COL12A1: variants seen among roughly 807,000 people sequenced by gnomAD.
COL12A1 encodes the protein collagen type XII alpha 1 chain, also known as collagen alpha-1(XII) chain.
In COL12A1, 114 loss-of-function variants were observed where a neutral mutation model predicts 349.7. The ratio of observed to expected loss-of-function variants is 0.33; its 90% CI spans 0.28 to 0.38. COL12A1 has a LOEUF of 0.38. COL12A1 is among the 10% of genes least tolerant of loss of function. The pLI, the probability that COL12A1 is intolerant of heterozygous loss-of-function variation, is 1.00. For missense variants in COL12A1, 3,284 were observed against 3,756.9 expected (o/e 0.87, Z 3.29); for synonymous variants, 1,369 against 1,329.0 (o/e 1.03, Z -0.66).
rs754080815 is a variant in COL12A1, at chr6:75,113,319, A to G, written c.7841-6T>C. On this transcript the variant is annotated splice_polypyrimidine_tract_variant and splice_region_variant and intron_variant, in intron 50 of 65. Coordinates refer to ENST00000322507, the MANE Select transcript of COL12A1 (RefSeq NM_004370.6). ...TGATAACGTCTTGCTAGAAGCTGTA[A>G]TCAACATAAAAGTGTTATTAAATCA... is the stretch of plus-strand genomic sequence containing the variant. The G allele has an allele frequency of 1.3e-6, 2 of 1,521,810 alleles. No homozygotes were observed. The highest frequency in any genetic ancestry group is 1.8e-6 in the Non-Finnish European group (2 of 1,132,048). The allele number at this position is 1,521,810 out of a possible 1,614,324, so 94.3% of individuals were successfully genotyped here.
intron 2 of COL12A1, among the ~76,000 whole-genome samples, chr6:75,198,869 G>A (rs942341812): frequency 1.3e-5 from 2 of 152,130 alleles, no homozygotes; most frequent in Non-Finnish European, 2.9e-5. Flanking sequence ...TGATATCTGT[G>A]ATAACAACAC....
intron 36 of COL12A1, 94 bp from the exon 37 acceptor site, chr6:75,130,327 T>C: frequency 8.3e-7 from 1 of 1,210,992 alleles, no homozygotes; most frequent in Non-Finnish European, 1.2e-6. Context: ...TCATTCACCA[T>C]TCACTCAGAT....
chr6:75,198,390 C>A (rs1350654614), intron 2 of COL12A1, among the ~76,000 whole-genome samples: 2 of 150,940 alleles, frequency 1.3e-5, no homozygotes, highest in Non-Finnish European at 3.0e-5. Context: ...TAAATATAAG[C>A]AATATTTATA....
At chr6:75,124,714 T>C (rs1176266122) in intron 40 of COL12A1, among the ~76,000 whole-genome samples, 2 of 152,104 alleles carry the variant, frequency 1.3e-5, no homozygotes, top group African/African-American at 4.8e-5. Flanking sequence ...TTAAAATATA[T>C]CTGTGGACTG....
At chr6:75,117,593 C>G (rs1409312473) in intron 46 of COL12A1, 47 bp from the exon 47 acceptor site, 1 of 1,586,252 alleles carries the variant, frequency 6.3e-7, no homozygotes, top group East Asian at 2.3e-5. Context: ...CTTTTTCTGT[C>G]CTTGTTGTTA....
Position 75,130,915 on chromosome 6 carries a change from C to G in COL12A1, c.6004G>C (p.Val2002Leu). The change falls in exon 36 of 66, where the codon GTG becomes CTG. Residue 2002 changes from valine (V) to leucine (L), a missense_variant. By Grantham distance (32) the Val-to-Leu change is conservative. Transcript: ENST00000322507. ...ERLIPDTLYS[V>L]NLVALYSDGE... ...TCCGAGTACAGAGCCACAAGGTTCACGGAATAGAGTGTGTCCGGAATCAGC... is the reference window on the plus strand; with the variant it reads ...TCCGAGTACAGAGCCACAAGGTTCAGGGAATAGAGTGTGTCCGGAATCAGC... 6.2e-7 allele frequency: 1 copy of G among 1,614,112 alleles called. No individual in the cohort carries two copies. Among genetic ancestry groups the G allele is most frequent in the South Asian group, 1.1e-5 (1 of 91,088 alleles).
intron 38 of COL12A1, among the ~76,000 whole-genome samples, chr6:75,127,832 C>A (rs1766095275): frequency 1.3e-5 from 2 of 152,134 alleles, no homozygotes; most frequent in Admixed American, 1.3e-4. Context: ...ATAAAAAATA[C>A]ATTTTTCTTT....
chr6:75,166,870 A>G (rs1768338122), intron 13 of COL12A1, among the ~76,000 whole-genome samples: 2 of 152,192 alleles, frequency 1.3e-5, no homozygotes, highest in South Asian at 2.1e-4. Flanking sequence ...ATCTAGGTGG[A>G]CAAAAACCTA....
At chr6:75,108,381 C>A (rs376522562) in intron 52 of COL12A1, among the ~76,000 whole-genome samples, 2 of 152,030 alleles carry the variant, frequency 1.3e-5, no homozygotes, top group Non-Finnish European at 2.9e-5. Flanking sequence ...AGCAATGGTG[C>A]CTGGCTTTGA....
intron 43 of COL12A1, among the ~76,000 whole-genome samples, chr6:75,121,771 T>C (rs1019163963): frequency 1.3e-5 from 2 of 152,220 alleles, no homozygotes; most frequent in African/African-American, 4.8e-5. Flanking sequence ...TCAAGTAGTT[T>C]TGAACAATAA....
Position 75,085,261 on chromosome 6 carries a change from C to A in COL12A1, c.*1286G>T. On this transcript the variant is annotated 3_prime_UTR_variant, in exon 66 of 66. Coordinates refer to ENST00000322507, the MANE Select transcript of COL12A1 (RefSeq NM_004370.6). ...GGCTCAGGAGGCTCCTCTGCAGGCTCGTCTGCGCCGTAGTCCTCGTATTCC... is the reference window on the plus strand; with the variant it reads ...GGCTCAGGAGGCTCCTCTGCAGGCTAGTCTGCGCCGTAGTCCTCGTATTCC... 1 of 470,910 alleles carries A rather than the reference C, an allele frequency of 2.1e-6. No individual in the cohort carries two copies. The highest frequency in any genetic ancestry group is 1.5e-5 in the South Asian group (1 of 64,568). The allele number at this position is 470,910 out of a possible 1,614,324, so 29.2% of individuals were successfully genotyped here.
At chr6:75,172,283 A>G (rs1768677474) in intron 13 of COL12A1, among the ~76,000 whole-genome samples, 1 of 152,256 alleles carries the variant, frequency 6.6e-6, no homozygotes, top group Non-Finnish European at 1.5e-5. Flanking sequence ...ATTAAAAAGT[A>G]CATTTTGTTA....
rs759773258 is a variant in COL12A1, at chr6:75,156,231, C to A, written c.3250+26G>T. The A allele has an allele frequency of 1.9e-5, 30 of 1,610,346 alleles. No individual in the cohort carries two copies. In the Admixed American group the frequency reaches 3.5e-4, roughly 19 times the overall value. ...TTTTAAAACATTACCTTCTCTCCCC[C>A]TCAAAATATAATTATTATTTCATAC... On this transcript the variant is annotated intron_variant, in intron 15 of 65. Transcript: ENST00000322507.
At position 75,147,742 on chromosome 6, in the gene COL12A1, A is replaced by G. The variant is rs1278753251; in HGVS notation, c.4350T>C (p.Tyr1450=). The change falls in exon 23 of 66, where the codon TAT becomes TAC. Residue 1450 remains tyrosine (Y), a synonymous_variant. Coordinates refer to ENST00000322507, the MANE Select transcript of COL12A1 (RefSeq NM_004370.6). ...VLKDLKPETE[Y]VVNVYSVVED... ...CTACCACAGAATACACATTGACAAC[A>G]TATTCAGTTTCAGGTTTCAGATCTT... The G allele has an allele frequency of 6.2e-7, 1 of 1,613,562 alleles. No individual in the cohort carries two copies.
At chr6:75,127,955 T>G (rs888486742) in intron 38 of COL12A1, among the ~76,000 whole-genome samples, 1 of 152,322 alleles carries the variant, frequency 6.6e-6, no homozygotes, top group South Asian at 2.1e-4. Context: ...CTATATTGAC[T>G]TAACAATTTA....
At chr6:75,101,911 T>C in intron 57 of COL12A1, 88 bp downstream of exon 57, 1 of 1,407,906 alleles carries the variant, frequency 7.1e-7, no homozygotes, top group Non-Finnish European at 1.0e-6. Context: ...GCTTCTGCTT[T>C]GCTACTTAAT....
chr6:75,185,361 C>T (rs1270407661), intron 8 of COL12A1, among the ~76,000 whole-genome samples: 1 of 152,142 alleles, frequency 6.6e-6, no homozygotes, highest in Non-Finnish European at 1.5e-5. Context: ...AACGAAATCC[C>T]ATTCACAATG....
intron 30 of COL12A1, among the ~76,000 whole-genome samples, chr6:75,137,979 G>A (rs1254462720): frequency 1.3e-5 from 2 of 151,924 alleles, no homozygotes; most frequent in Admixed American, 1.3e-4. Flanking sequence ...GAAAGGGGCT[G>A]GCTAGCTATA....
intron 54 of COL12A1, among the ~76,000 whole-genome samples, chr6:75,104,841 C>T (rs1387818418): frequency 6.6e-6 from 1 of 152,144 alleles, no homozygotes; most frequent in Non-Finnish European, 1.5e-5. Flanking sequence ...CTTGGGTCAG[C>T]CTCTCAGCTG....
Sources: gnomAD v4.1 joint callset for allele counts (sites outside exome capture counted in the v4.1 genomes callset) on GRCh38, gnomAD v4.1.1 for gene constraint, MANE v1.5 for transcripts, NCBI Gene and HGNC (gene_info 2026-07-23, HGNC 2026-07-21) for gene names.